Variants in PAPPA observed in about 807,000 individuals in gnomAD.
PAPPA encodes pappalysin 1.
Under a neutral mutation model 164.0 loss-of-function variants are expected in PAPPA, and 60 were observed. That is an observed-to-expected ratio of 0.37 (90% CI 0.30 to 0.45). The LOEUF (loss-of-function observed/expected upper bound fraction) is 0.45, where lower values mean the gene tolerates loss of function less well. PAPPA is among the 20% of genes least tolerant of loss of function. The probability of loss-of-function intolerance (pLI) is 1.00; values close to 1 mark genes in which losing one functional copy is unlikely to be tolerated. For synonymous variants in PAPPA, 875 were observed against 814.1 expected (o/e 1.07, Z -1.27); for missense variants, 1,782 against 2,087.3 (o/e 0.85, Z 2.85).
At position 116,386,608 on chromosome 9, in the gene PAPPA, T is replaced by G. The variant is rs144105946; in HGVS notation, c.4776+4115T>G. Among the ~76,000 whole-genome samples, 89 of 152,322 alleles carry G rather than the reference T, an allele frequency of 5.8e-4. 1 individual carries two copies. The Middle Eastern group carries it at 0.024, about 41-fold the overall frequency. ...AAGCCCAAGTTTGAACCCAGTTCTA[T>G]CTGACTCAAAAGTTCTGCTTTTTCT... On this transcript the variant is annotated intron_variant, in intron 21 of 21. Coordinates refer to ENST00000328252, the MANE Select transcript of PAPPA (RefSeq NM_002581.5).
chr9:116,373,279 T>A (rs1428819996), intron 19 of PAPPA: 4 of 152,152 alleles, frequency 2.6e-5, no homozygotes, highest in Non-Finnish European at 1.5e-5. Context: ...GTTCATTTAC[T>A]TATTCAATAA....
Position 116,396,503 on chromosome 9 carries a change from C to T in PAPPA, c.4777-6C>T, listed in dbSNP as rs1356121156. On this transcript the variant is annotated splice_polypyrimidine_tract_variant and splice_region_variant and intron_variant, in intron 21 of 21. Transcript: ENST00000328252. The stretch of plus-strand genomic sequence containing the variant: ...AAATCACCTGATTCACTTCTTCTTT[C>T]TGCAGGTCACCCCATTCCCTATGTC... 2 of 780,626 alleles carry T rather than the reference C, an allele frequency of 2.6e-6. No individual in the cohort carries two copies. Among genetic ancestry groups the T allele is most frequent in the Admixed American group, 3.4e-5 (2 of 59,002 alleles). 48.4% of individuals were successfully genotyped at this position (780,626 alleles called of 1,614,324 possible). A position where few individuals can be genotyped will look rare whatever the true frequency, so the allele number is the denominator to read the frequency against.
At chr9:116,252,950 A>G (rs1317940248) in intron 7 of PAPPA, among the ~76,000 whole-genome samples, 1 of 152,164 alleles carries the variant, frequency 6.6e-6, no homozygotes, top group Non-Finnish European at 1.5e-5. Flanking sequence ...CTATTAATTC[A>G]TTCAACAGAT....
intron 18 of PAPPA, among the ~76,000 whole-genome samples, chr9:116,366,534 A>G (rs1402479739): frequency 1.3e-5 from 2 of 152,260 alleles, no homozygotes; most frequent in African/African-American, 4.8e-5. Context: ...GTCAGTCATC[A>G]TGCCATTCAT....
rs777628251 is a variant in PAPPA, at chr9:116,347,259, C to T, written c.3964+50C>T. On this transcript the variant is annotated intron_variant, in intron 15 of 21. Transcript: ENST00000328252. The surrounding 1 kb of genome is among the most constrained non-coding windows in gnomAD (Gnocchi z 4.5). ...CAGCCTTCCTTTGTCTATGGGAAAC[C>T]TAGAAGCTGCATCCAGGCCCTCTTT... The T allele has an allele frequency of 4.6e-6, 7 of 1,507,890 alleles. No homozygotes were observed. The Admixed American group carries it at 1.4e-4, about 30-fold the overall frequency. The allele number at this position is 1,507,890 out of a possible 1,614,324, so 93.4% of individuals were successfully genotyped here. A position where few individuals can be genotyped will look rare whatever the true frequency, so the allele number is the denominator to read the frequency against.
chr9:116,391,520 A>G (rs1426568703), intron 21 of PAPPA, among the ~76,000 whole-genome samples: 1 of 152,148 alleles, frequency 6.6e-6, no homozygotes, highest in East Asian at 1.9e-4. Flanking sequence ...CAGCCCCTGC[A>G]TGTCTCTCAG....
intron 19 of PAPPA, among the ~76,000 whole-genome samples, chr9:116,372,932 C>T (rs963095749): frequency 1.1e-4 from 16 of 152,198 alleles, no homozygotes; most frequent in African/African-American, 2.7e-4. Flanking sequence ...ATTCACATAA[C>T]GACTGTGGCA....
At chr9:116,293,170 C>G (rs528321024) in intron 9 of PAPPA, among the ~76,000 whole-genome samples, 2 of 151,968 alleles carry the variant, frequency 1.3e-5, no homozygotes, top group Non-Finnish European at 2.9e-5. Flanking sequence ...GTTTAGATAA[C>G]GCAATAAATT....
chr9:116,235,109 A>G lies in PAPPA; in HGVS notation c.2234-30A>G, dbSNP rs368733638. The G allele has an allele frequency of 9.3e-6, 15 of 1,613,608 alleles. No individual in the cohort carries two copies. The South Asian group carries it at 1.6e-4, about 18-fold the overall frequency. On this transcript the variant is annotated intron_variant, in intron 6 of 21. Coordinates refer to ENST00000328252, the MANE Select transcript of PAPPA (RefSeq NM_002581.5). ...GGATGGGAATAAAGCTCTTTCCCCAAGAACTCATTCCCTCATCTCTTCTGC... is the reference window on the plus strand; with the variant it reads ...GGATGGGAATAAAGCTCTTTCCCCAGGAACTCATTCCCTCATCTCTTCTGC...
intron 7 of PAPPA, among the ~76,000 whole-genome samples, chr9:116,265,608 A>G (rs563218754): frequency 2.4e-4 from 36 of 152,248 alleles, no homozygotes; most frequent in Middle Eastern, 3.2e-3. Flanking sequence ...GAAAAAAACA[A>G]CACCTAGTAA....
At chr9:116,240,613 T>C (rs1195489678) in intron 7 of PAPPA, among the ~76,000 whole-genome samples, 1 of 152,224 alleles carries the variant, frequency 6.6e-6, no homozygotes, top group Non-Finnish European at 1.5e-5. Flanking sequence ...AAGCACTAAC[T>C]AGGGACTTTA....
chr9:116,322,502 C>T (rs1845870940), intron 10 of PAPPA, among the ~76,000 whole-genome samples: 1 of 151,564 alleles, frequency 6.6e-6, no homozygotes, highest in Admixed American at 6.6e-5. Flanking sequence ...ATAAAAACAG[C>T]AAAGCCTGGT....
intron 1 of PAPPA, among the ~76,000 whole-genome samples, chr9:116,170,011 G>C (rs1843758247): frequency 6.6e-6 from 1 of 152,122 alleles, no homozygotes; most frequent in African/African-American, 2.4e-5. Flanking sequence ...GATCAACGAG[G>C]ATAGGGGAGT....
At chr9:116,196,956 A>G (rs1674080046) in intron 2 of PAPPA, among the ~76,000 whole-genome samples, 1 of 152,204 alleles carries the variant, frequency 6.6e-6, no homozygotes, top group Non-Finnish European at 1.5e-5. Context: ...AATGATGATT[A>G]TAACTCCACA....
intron 19 of PAPPA, among the ~76,000 whole-genome samples, chr9:116,375,786 C>T (rs1165334599): frequency 1.3e-5 from 2 of 152,154 alleles, no homozygotes; most frequent in African/African-American, 2.4e-5. Flanking sequence ...GGATTTTCCA[C>T]ATTTTGGCCC....
At chr9:116,393,534 G>A (rs1289317068) in intron 21 of PAPPA, among the ~76,000 whole-genome samples, 1 of 152,182 alleles carries the variant, frequency 6.6e-6, no homozygotes, top group Non-Finnish European at 1.5e-5. Flanking sequence ...AAGTAATTCA[G>A]TATCAGAAGG....
intron 7 of PAPPA, among the ~76,000 whole-genome samples, chr9:116,257,503 A>G (rs1450021728): frequency 6.6e-6 from 1 of 151,940 alleles, no homozygotes; most frequent in Non-Finnish European, 1.5e-5. Context: ...GATCGAGACC[A>G]TCCTGGCTAG....
chr9:116,187,697 C>A lies in PAPPA; in HGVS notation c.959C>A (p.Thr320Lys), dbSNP rs758068595. The change falls in exon 2 of 22, where the codon ACG becomes AAG. Residue 320 changes from threonine to lysine, a missense_variant. Thr to Lys is a moderately conservative substitution (Grantham distance 78, BLOSUM62 -1). This residue lies in a region of PAPPA where 458 missense variants were observed against 430.3 expected (regional missense o/e 1.06). Coordinates refer to ENST00000328252, the MANE Select transcript of PAPPA (RefSeq NM_002581.5). The surrounding 1 kb of genome is among the most constrained non-coding windows in gnomAD (Gnocchi z 4.2). Reference protein sequence around the residue: ...FSNAHGFLLDTSLEPPLCGQT... With the variant: ...FSNAHGFLLDKSLEPPLCGQT... ...AATGCCCACGGCTTTCTGCTGGACA[C>A]GAGTCTGGAGCCTCCTCTGTGCGGA... 2.5e-6 allele frequency: 4 copies of A among 1,614,258 alleles called. No homozygotes were observed. Among genetic ancestry groups the A allele is most frequent in the Admixed American group, 1.7e-5 (1 of 60,032 alleles).
chr9:116,235,531 C>CCTTACACAGGGCTTA lies in PAPPA; in HGVS notation c.2627_2628insTTACACAGGGCTTAC (p.Pro876_Leu877insTyrThrGlyLeuThr). The CCTTACACAGGGCTTA allele has an allele frequency of 1.2e-6, 2 of 1,613,582 alleles. No individual in the cohort carries two copies. The highest frequency in any genetic ancestry group is 1.7e-6 in the Non-Finnish European group (2 of 1,179,946). ...CATGTTGACCTCCACTGCAGACACC[C>CCTTACACAGGGCTTA]CACTCTGTCTACAGTGTAAGCCCCT... On this transcript the variant is annotated inframe_insertion, in exon 7 of 22. Coordinates refer to ENST00000328252, the MANE Select transcript of PAPPA (RefSeq NM_002581.5).
Sources: gnomAD v4.1 joint callset for allele counts (sites outside exome capture counted in the v4.1 genomes callset) on GRCh38, gnomAD v4.1.1 for gene constraint, gnomAD v4.1.1 regional missense constraint, Gnocchi (gnomAD v3.1) non-coding constraint, MANE v1.5 for transcripts, NCBI Gene and HGNC (gene_info 2026-07-23, HGNC 2026-07-21) for gene names.